CACHD1: variants seen among roughly 807,000 people sequenced by gnomAD.
CACHD1 encodes cache domain containing 1.
A neutral mutation model predicts 138.7 loss-of-function variants in CACHD1; 71 were observed. That is an observed-to-expected ratio of 0.51 (90% CI 0.42 to 0.62). The LOEUF (loss-of-function observed/expected upper bound fraction) is 0.62. Among genes scored for constraint, CACHD1 ranks in the 20% least tolerant of loss-of-function variants. The pLI is 0.00. For missense variants in CACHD1, 1,389 were observed against 1,625.3 expected (o/e 0.85, Z 2.50); for synonymous variants, 578 against 591.5 (o/e 0.98, Z 0.33).
In CACHD1 at chr1:64,676,907, C is replaced by T. The variant is rs150699745; in HGVS notation, c.2988C>T (p.Cys996=). The change falls in exon 22 of 27, where the codon TGC becomes TGT. Residue 996 remains cysteine, a synonymous_variant. Coordinates refer to ENST00000651257, the MANE Select transcript of CACHD1 (RefSeq NM_020925.4). ...ACCTCCTGCACAGAAACCCCAGCTGCGAGGTCCACCAGGAGCCGGTGACAT... is the reference window on the plus strand; with the variant it reads ...ACCTCCTGCACAGAAACCCCAGCTGTGAGGTCCACCAGGAGCCGGTGACAT... ...LTNAENRNPS[C]EVHQEPVTYT... is the part of the protein sequence containing the mutation. 2.9e-5 allele frequency: 47 copies of T among 1,613,418 alleles called. No individual in the cohort carries two copies. In the South Asian group the frequency reaches 3.0e-4, roughly 10 times the overall value.
chr1:64,525,330 C>T (rs919994175), intron 1 of CACHD1, among the ~76,000 whole-genome samples: 8 of 152,104 alleles, frequency 5.3e-5, no homozygotes, highest in Admixed American at 2.0e-4. Context: ...AAGAATTTCT[C>T]AATGATTAAT....
At chr1:64,666,275 T>A (rs1649630329) in intron 16 of CACHD1, 108 bp downstream of exon 16, 1 of 602,510 alleles carries the variant, frequency 1.7e-6, no homozygotes, top group Non-Finnish European at 2.8e-6. Flanking sequence ...AAGCATGACC[T>A]TTAAAGTGAG....
intron 3 of CACHD1, among the ~76,000 whole-genome samples, chr1:64,598,109 G>T (rs187831562): frequency 2.0e-5 from 3 of 152,246 alleles, no homozygotes. Context: ...TGTGGAGTCC[G>T]GAGTCCAGAA....
At chr1:64,563,746 A>G (rs894173953) in intron 2 of CACHD1, 8 of 152,186 alleles carry the variant, frequency 5.3e-5, no homozygotes, top group African/African-American at 1.9e-4. Flanking sequence ...AGCCTCAGTA[A>G]GGGTAGTGTG....
chr1:64,488,301 A>C (rs1233012033), intron 1 of CACHD1, among the ~76,000 whole-genome samples: 1 of 152,148 alleles, frequency 6.6e-6, no homozygotes, highest in African/African-American at 2.4e-5. Context: ...AAGTATGAAA[A>C]CATCCTTTTT....
At chr1:64,613,376 A>T (rs1647598207) in intron 4 of CACHD1, 1 of 151,996 alleles carries the variant, frequency 6.6e-6, no homozygotes, top group Non-Finnish European at 1.5e-5. Context: ...ATAAAAAAAT[A>T]AAAATATAAA....
chr1:64,500,358 C>T (rs1282313290), intron 1 of CACHD1, among the ~76,000 whole-genome samples: 1 of 152,110 alleles, frequency 6.6e-6, no homozygotes. Flanking sequence ...ACATATGTGC[C>T]TGTTGGGAAT....
chr1:64,682,153 C>A, intron 26 of CACHD1, 47 bp downstream of exon 26: 1 of 1,519,068 alleles, frequency 6.6e-7, no homozygotes, highest in Non-Finnish European at 9.1e-7. Context: ...ACCTCATGTA[C>A]TCCTGTGGGA....
chr1:64,682,801 C>G (rs893322466), intron 26 of CACHD1, among the ~76,000 whole-genome samples: 1 of 152,018 alleles, frequency 6.6e-6, no homozygotes, highest in African/African-American at 2.4e-5. Flanking sequence ...CTCATTGTTG[C>G]AAAGAACAGC....
At chr1:64,533,818 T>C (rs538584471) in intron 1 of CACHD1, among the ~76,000 whole-genome samples, 1 of 149,646 alleles carries the variant, frequency 6.7e-6, no homozygotes, top group East Asian at 2.0e-4. Context: ...AGTGGCATGA[T>C]CTCGGCTCAC....
chr1:64,584,101 G>A (rs1160320628), intron 3 of CACHD1, among the ~76,000 whole-genome samples: 4 of 152,166 alleles, frequency 2.6e-5, no homozygotes, highest in African/African-American at 9.7e-5. Context: ...TTCAGGGCAG[G>A]AAGAACAGAT....
chr1:64,645,781 C>A (rs1648881622), intron 8 of CACHD1, among the ~76,000 whole-genome samples: 1 of 152,154 alleles, frequency 6.6e-6, no homozygotes, highest in Admixed American at 6.5e-5. Context: ...AGCAGGTCAG[C>A]AGCTGGGAAA....
At chr1:64,518,607 C>G (rs960424848) in intron 1 of CACHD1, among the ~76,000 whole-genome samples, 2 of 152,152 alleles carry the variant, frequency 1.3e-5, no homozygotes, top group Non-Finnish European at 2.9e-5. Flanking sequence ...GTCAGAGGAT[C>G]AAGGTCCATG....
chr1:64,606,543 T>A (rs1385698324), intron 4 of CACHD1, among the ~76,000 whole-genome samples: 1 of 152,142 alleles, frequency 6.6e-6, no homozygotes, highest in Non-Finnish European at 1.5e-5. Flanking sequence ...TAGCTTTTGC[T>A]CTGAATGAGA....
At chr1:64,548,669 T>C (rs1043215565) in intron 1 of CACHD1, among the ~76,000 whole-genome samples, 3 of 152,136 alleles carry the variant, frequency 2.0e-5, no homozygotes, top group Non-Finnish European at 4.4e-5. Context: ...ATCAAATACA[T>C]TGGTTGAGAT....
At chr1:64,631,336 C>T (rs1358681214) in intron 5 of CACHD1, among the ~76,000 whole-genome samples, 2 of 152,178 alleles carry the variant, frequency 1.3e-5, no homozygotes, top group Non-Finnish European at 2.9e-5. Flanking sequence ...TACTCTGTTT[C>T]ATTTCTGTAG....
At chr1:64,648,911 A>G (rs1648998752) in intron 9 of CACHD1, among the ~76,000 whole-genome samples, 1 of 152,200 alleles carries the variant, frequency 6.6e-6, no homozygotes, top group Non-Finnish European at 1.5e-5. Context: ...TAAAAGCACA[A>G]TCTTTTTCTT....
At chr1:64,530,087 A>G (rs980945427) in intron 1 of CACHD1, among the ~76,000 whole-genome samples, 2 of 152,356 alleles carry the variant, frequency 1.3e-5, no homozygotes, top group South Asian at 2.1e-4. Context: ...GGCATCCTTC[A>G]TGGTCAGGAT....
At chr1:64,571,448 G>A (rs1013474897) in intron 2 of CACHD1, among the ~76,000 whole-genome samples, 19 of 152,112 alleles carry the variant, frequency 1.2e-4, no homozygotes, top group Admixed American at 7.9e-4. Flanking sequence ...GGCATGCTAA[G>A]TTAATATTAT....
Sources: allele counts gnomAD v4.1 joint callset (sites outside exome capture counted in the v4.1 genomes callset), GRCh38; gene constraint gnomAD v4.1.1; transcripts MANE v1.5; gene names NCBI Gene and HGNC (gene_info 2026-07-23, HGNC 2026-07-21).